Variants in SNTB1 observed in about 807,000 individuals in gnomAD.
SNTB1 encodes beta-1-syntrophin.
Under a neutral mutation model 48.9 loss-of-function variants are expected in SNTB1, and 36 were observed. The observed-to-expected ratio is 0.74, with a 90% CI of 0.56 to 0.97. The LOEUF is 0.97. Among genes scored for constraint, SNTB1 ranks in the 50% least tolerant of loss-of-function variants. The pLI is 0.00. For synonymous variants in SNTB1, 299 were observed against 294.6 expected (o/e 1.01, Z -0.15); for missense variants, 786 against 703.4 (o/e 1.12, Z -1.33).
chr8:120,598,322 T>C (rs970697135), intron 3 of SNTB1, among the ~76,000 whole-genome samples: 19 of 152,198 alleles, frequency 1.2e-4, no homozygotes, highest in African/African-American at 4.3e-4. Flanking sequence ...CTCTGCACAT[T>C]TGCATATAAC....
At chr8:120,734,146 C>T (rs1466606992) in intron 1 of SNTB1, among the ~76,000 whole-genome samples, 1 of 152,122 alleles carries the variant, frequency 6.6e-6, no homozygotes, top group African/African-American at 2.4e-5. Context: ...CTGCCTGTCA[C>T]AAAGTTTTAT....
chr8:120,608,460 A>G (rs1349353692), intron 3 of SNTB1, among the ~76,000 whole-genome samples: 5 of 152,146 alleles, frequency 3.3e-5, no homozygotes, highest in Admixed American at 3.3e-4. Flanking sequence ...CATTAGAAGG[A>G]AAGATTAGGG....
At chr8:120,582,064 CA>C (rs936213321) in intron 3 of SNTB1, among the ~76,000 whole-genome samples, 5 of 151,982 alleles carry the variant, frequency 3.3e-5, no homozygotes. Context: ...ACAAACAAAA[CA>C]AAAAAACCAT....
intron 1 of SNTB1, among the ~76,000 whole-genome samples, chr8:120,739,637 G>C (rs189174943): frequency 6.6e-6 from 1 of 152,260 alleles, no homozygotes; most frequent in East Asian, 1.9e-4. Context: ...CAAGGAGAAA[G>C]GGTCAGAAAA....
intron 2 of SNTB1, among the ~76,000 whole-genome samples, chr8:120,686,235 G>A (rs979774943): frequency 1.3e-5 from 2 of 152,112 alleles, no homozygotes; most frequent in African/African-American, 4.8e-5. Flanking sequence ...TTAGGTATTT[G>A]CTATAGCAAC....
intron 3 of SNTB1, among the ~76,000 whole-genome samples, chr8:120,617,635 G>A (rs1366090694): frequency 1.3e-5 from 2 of 152,248 alleles, no homozygotes; most frequent in African/African-American, 2.4e-5. Context: ...GGGCTTCCTC[G>A]TGCATTTTGG....
intron 1 of SNTB1, among the ~76,000 whole-genome samples, chr8:120,716,291 A>G (rs1174419980): frequency 6.6e-6 from 1 of 152,218 alleles, no homozygotes; most frequent in Non-Finnish European, 1.5e-5. Flanking sequence ...ATGATTATTG[A>G]CAATTTTCAC....
rs527809866 is a variant in SNTB1 at position 120,649,198 on chromosome 8, C to T, written c.789-16547G>A. On this transcript the variant is annotated intron_variant, in intron 2 of 6. Transcript: ENST00000517992. ...AGTCATTCTCCATCCAGCTTTGTTC[C>T]GCTGCTGGTGAGGAACTGCGTTCCC... Among the ~76,000 whole-genome samples the T allele has an allele frequency of 8.6e-4, 130 of 151,078 alleles. No individual in the cohort carries two copies. In the South Asian group the frequency reaches 0.023, roughly 27 times the overall value.
At chr8:120,790,626 C>T (rs374164791) in intron 1 of SNTB1, among the ~76,000 whole-genome samples, 2 of 151,776 alleles carry the variant, frequency 1.3e-5, no homozygotes, top group African/African-American at 4.8e-5. Flanking sequence ...GAACACAATT[C>T]CTTTTACAAT....
intron 1 of SNTB1, among the ~76,000 whole-genome samples, chr8:120,727,407 G>A (rs1038820234): frequency 1.3e-5 from 2 of 152,158 alleles, no homozygotes; most frequent in African/African-American, 4.8e-5. Context: ...TTACTTGAGG[G>A]AACAGTGAGC....
At chr8:120,622,728 G>T (rs1034488467) in intron 3 of SNTB1, among the ~76,000 whole-genome samples, 1 of 152,052 alleles carries the variant, frequency 6.6e-6, no homozygotes, top group Non-Finnish European at 1.5e-5. Flanking sequence ...CCCACCTAAA[G>T]GTCCCATATA....
chr8:120,619,980 T>C (rs557715801), intron 3 of SNTB1, among the ~76,000 whole-genome samples: 2 of 152,320 alleles, frequency 1.3e-5, no homozygotes, highest in Non-Finnish European at 2.9e-5. Flanking sequence ...AATTAAAGAA[T>C]AGAATATTGG....
rs115460820 is a variant in SNTB1 at position 120,550,163 on chromosome 8, G to C, written c.1137-1205C>G. Reference sequence around the variant, plus strand: ...GGAGGAGCTTTCTTTTACTTACAAAGTTAAAATTAGGCAAGAGGGGCGGTT... The same window carrying C: ...GGAGGAGCTTTCTTTTACTTACAAACTTAAAATTAGGCAAGAGGGGCGGTT... On this transcript the variant is annotated intron_variant, in intron 4 of 6. Coordinates refer to ENST00000517992, the MANE Select transcript of SNTB1 (RefSeq NM_021021.4). Among the ~76,000 whole-genome samples, 1,306 of 152,262 alleles carry C rather than the reference G, an allele frequency of 8.6e-3. 31 individuals are homozygous for C. The highest frequency in any genetic ancestry group is 0.03 in the African/African-American group (1,245 of 41,554).
intron 1 of SNTB1, among the ~76,000 whole-genome samples, chr8:120,784,099 T>C (rs903725244): frequency 6.6e-6 from 1 of 152,078 alleles, no homozygotes; most frequent in African/African-American, 2.4e-5. Context: ...GTTCAAGCAA[T>C]TCTCCTGCCT....
chr8:120,615,753 G>A (rs942606713), intron 3 of SNTB1, among the ~76,000 whole-genome samples: 1 of 152,128 alleles, frequency 6.6e-6, no homozygotes, highest in African/African-American at 2.4e-5. Flanking sequence ...AGTTTGAATC[G>A]AACGGAGGTA....
chr8:120,581,000 A>G (rs1329762132), intron 3 of SNTB1, among the ~76,000 whole-genome samples: 1 of 150,606 alleles, frequency 6.6e-6, no homozygotes, highest in Non-Finnish European at 1.5e-5. Context: ...GAGGCCTGAG[A>G]CTCATTTTAA....
intron 3 of SNTB1, among the ~76,000 whole-genome samples, chr8:120,611,532 G>A (rs1296093547): frequency 6.6e-6 from 1 of 152,070 alleles, no homozygotes; most frequent in African/African-American, 2.4e-5. Flanking sequence ...CTATCAAGAA[G>A]GCAGTGCCAG....
chr8:120,804,976 A>G (rs998130717), intron 1 of SNTB1, among the ~76,000 whole-genome samples: 1 of 152,176 alleles, frequency 6.6e-6, no homozygotes, highest in African/African-American at 2.4e-5. Context: ...AGGTATCTGC[A>G]TGGTACTTAT....
intron 1 of SNTB1, among the ~76,000 whole-genome samples, chr8:120,772,094 C>A (rs534732769): frequency 6.6e-6 from 1 of 152,016 alleles, no homozygotes; most frequent in East Asian, 1.9e-4. Flanking sequence ...GGTTCGAACT[C>A]CTGACCTCAA....
Sources: allele counts gnomAD v4.1 joint callset (sites outside exome capture counted in the v4.1 genomes callset), GRCh38; gene constraint gnomAD v4.1.1; transcripts MANE v1.5; gene names NCBI Gene and HGNC (gene_info 2026-07-23, HGNC 2026-07-21).